The following EML5 variants were observed in gnomAD, a reference collection of about 807,000 sequenced individuals.
EML5 encodes EMAP like 5, also known as echinoderm microtubule-associated protein-like 5.
A neutral mutation model predicts 250.0 loss-of-function variants in EML5; 120 were observed. The ratio of observed to expected loss-of-function variants is 0.48; its 90% CI spans 0.41 to 0.56. EML5 has a LOEUF of 0.56. Ranked by LOEUF, EML5 falls within the 20% of genes least tolerant of loss-of-function variation. EML5 has a pLI of 0.00. For missense variants in EML5, 2,006 were observed against 2,437.6 expected (o/e 0.82, Z 3.73); for synonymous variants, 771 against 806.5 (o/e 0.96, Z 0.75).
rs926877397 is a variant in EML5 at position 88,646,971 on chromosome 14, T to TA, written c.4020-17dup. ...CCTGGAACCTCTTTTCAGCAGCAGA[T>TA]AAAGAGGGAAAAAGATTACAACATA... On this transcript the variant is annotated splice_polypyrimidine_tract_variant and intron_variant, in intron 28 of 43. Coordinates refer to ENST00000554922, the MANE Select transcript of EML5 (RefSeq NM_183387.3). The TA allele has an allele frequency of 2.5e-6, 4 of 1,591,072 alleles. No individual in the cohort carries two copies. The highest frequency in any genetic ancestry group is 3.4e-6 in the Non-Finnish European group (4 of 1,177,162).
In EML5 at chr14:88,653,512, C is replaced by T. The variant is rs150485344; in HGVS notation, c.4005-3586G>A. 5.1e-3 allele frequency among the ~76,000 whole-genome samples: 783 copies of T among 152,140 alleles called. 3 individuals are homozygous for T. Among genetic ancestry groups the T allele is most frequent in the African/African-American group, 0.018 (740 of 41,522 alleles). On this transcript the variant is annotated intron_variant, in intron 27 of 43. Coordinates refer to ENST00000554922, the MANE Select transcript of EML5 (RefSeq NM_183387.3). ...TGAGAGTTTTTAGCATGAAGGGGTG[C>T]TGAATTTTATCGAAGGCCTTTTCTG... is the stretch of plus-strand genomic sequence containing the variant.
Position 88,792,524 on chromosome 14 carries a change from C to T in EML5, c.-21G>A. The T allele has an allele frequency of 7.4e-7, 1 of 1,346,678 alleles. No homozygotes were observed. Among genetic ancestry groups the T allele is most frequent in the Non-Finnish European group, 9.6e-7 (1 of 1,037,848 alleles). 83.4% of individuals were successfully genotyped at this position (1,346,678 alleles called of 1,614,324 possible). A position where few individuals can be genotyped will look rare whatever the true frequency, so the allele number is the denominator to read the frequency against. On this transcript the variant is annotated 5_prime_UTR_variant, in exon 1 of 44. Coordinates refer to ENST00000554922, the MANE Select transcript of EML5 (RefSeq NM_183387.3). This position sits in a 1 kb window ranked among gnomAD's most constrained non-coding sequence, Gnocchi z 6.9. Reference sequence around the variant, plus strand: ...GCCATGTCGGGGCGCCCACCCGCCGCTCCCGCTCGGGCCCGCGGCGGCGAC... The same window carrying T: ...GCCATGTCGGGGCGCCCACCCGCCGTTCCCGCTCGGGCCCGCGGCGGCGAC...
chr14:88,649,103 C>T (rs542422424), intron 28 of EML5, among the ~76,000 whole-genome samples: 1 of 152,118 alleles, frequency 6.6e-6, no homozygotes, highest in Non-Finnish European at 1.5e-5. Context: ...CATCACAGCT[C>T]ACTGCAGCCT....
intron 6 of EML5, among the ~76,000 whole-genome samples, chr14:88,738,137 A>C (rs1014899496): frequency 1.3e-5 from 2 of 152,210 alleles, no homozygotes; most frequent in Non-Finnish European, 2.9e-5. Context: ...AAGCACAATA[A>C]TGTTTAGCAA....
rs1335262985 is a variant in EML5, at chr14:88,706,311, C to T, written c.1773G>A (p.Trp591Ter). Residue 591 changes from tryptophan to a stop codon, truncating the protein, a stop_gained, in exon 11 of 44, where the codon TGG (tryptophan) becomes TGA (stop). Coordinates refer to ENST00000554922, the MANE Select transcript of EML5 (RefSeq NM_183387.3). LOFTEE classifies it high-confidence loss of function. ...IGGADHSVFQ[W>*]KFIPERKLKD... ...TCAGTTTTCTTTCAGGAATAAATTTCCACTGAAAGACAGAGTGATCTGCTC... is the reference window on the plus strand; with the variant it reads ...TCAGTTTTCTTTCAGGAATAAATTTTCACTGAAAGACAGAGTGATCTGCTC... 2 of 1,609,312 alleles carry T rather than the reference C, an allele frequency of 1.2e-6. No individual in the cohort carries two copies. The highest frequency in any genetic ancestry group is 1.7e-6 in the Non-Finnish European group (2 of 1,178,060).
At chr14:88,782,438 GA>G (rs2094506843) in intron 1 of EML5, among the ~76,000 whole-genome samples, 1 of 152,226 alleles carries the variant, frequency 6.6e-6, no homozygotes, top group Non-Finnish European at 1.5e-5. Context: ...ATCTACATAA[GA>G]ACGAGGAGCC....
intron 33 of EML5, 49 bp from the exon 34 acceptor site, chr14:88,627,868 TTC>T (rs762496267): frequency 7.4e-6 from 11 of 1,495,016 alleles, no homozygotes; most frequent in Admixed American, 2.0e-5. Flanking sequence ...TTATAAATAT[TTC>T]TGTTTCTAAA....
At chr14:88,743,570 T>C (rs745874047) in intron 4 of EML5, among the ~76,000 whole-genome samples, 4 of 152,046 alleles carry the variant, frequency 2.6e-5, no homozygotes, top group Non-Finnish European at 4.4e-5. Context: ...GTCACAGTTT[T>C]AAAATGTGAA....
chr14:88,792,813 G>A lies in EML5; in HGVS notation c.-310C>T. ...AGCCCGTAGCGCCTGGGCCGAGAGC[G>A]AGGGCCCGCCTCCAGCTCCTCAGCC... On this transcript the variant is annotated 5_prime_UTR_variant, in exon 1 of 44. Coordinates refer to ENST00000554922, the MANE Select transcript of EML5 (RefSeq NM_183387.3). This position sits in a 1 kb window ranked among gnomAD's most constrained non-coding sequence, Gnocchi z 6.9. The A allele has an allele frequency of 3.2e-6, 3 of 924,852 alleles. 1 individual carries two copies. The highest frequency in any genetic ancestry group is 1.3e-6 in the Non-Finnish European group (1 of 770,874). 57.3% of individuals were successfully genotyped at this position (924,852 alleles called of 1,614,324 possible).
chr14:88,647,507 G>A (rs1869559496), intron 28 of EML5, among the ~76,000 whole-genome samples: 1 of 151,860 alleles, frequency 6.6e-6, no homozygotes, highest in Admixed American at 6.6e-5. Context: ...GACCAGCCTG[G>A]GCAACACTGT....
rs2092275357 is a variant in EML5 at position 88,665,340 on chromosome 14, G to A, written c.3274C>T (p.Pro1092Ser). ...KDMISDIRFS[P>S]GSGKYLAVAS... is the part of the protein sequence containing the mutation. ...ATACAATTTCAATGGATCTTACCAG[G>A]TGAAAATCGAATATCTGAAATCATA... Residue 1092 changes from proline to serine, a missense_variant, in exon 22 of 44, where the codon CCT (proline) becomes TCT (serine). Around this residue, in one of 7 missense-constraint regions of EML5, gnomAD observed 1,375 missense variants for 1,590.3 expected, o/e 0.86. Transcript: ENST00000554922. 4 of 1,610,376 alleles carry A rather than the reference G, an allele frequency of 2.5e-6. No homozygotes were observed. The highest frequency in any genetic ancestry group is 3.4e-6 in the Non-Finnish European group (4 of 1,178,148).
chr14:88,766,911 G>A (rs530639852), intron 1 of EML5, among the ~76,000 whole-genome samples: 6 of 152,192 alleles, frequency 3.9e-5, no homozygotes, highest in East Asian at 3.9e-4. Flanking sequence ...ATCGGGGGCT[G>A]GTTTCCCCCG....
At chr14:88,623,445 G>C (rs1595227751) in intron 36 of EML5, 1 of 151,402 alleles carries the variant, frequency 6.6e-6, no homozygotes, top group Non-Finnish European at 1.5e-5. Context: ...TTTTGAGACA[G>C]AGTGTCGCTC....
At chr14:88,770,608 G>A (rs1167374915) in intron 1 of EML5, among the ~76,000 whole-genome samples, 1 of 152,000 alleles carries the variant, frequency 6.6e-6, no homozygotes, top group Non-Finnish European at 1.5e-5. Context: ...TTGGACAGTT[G>A]GAATCTGAAG....
intron 17 of EML5, among the ~76,000 whole-genome samples, chr14:88,690,509 T>C (rs1393638967): frequency 6.6e-6 from 1 of 152,190 alleles, no homozygotes; most frequent in South Asian, 2.1e-4. Flanking sequence ...ATTAGTGACC[T>C]TGTAAGAGCA....
Position 88,622,650 on chromosome 14 carries a change from T to G in EML5, c.4967A>C (p.Glu1656Ala), listed in dbSNP as rs2089211657. ...ELRRCRAFRLETGQATDCVRS... is the reference protein window; with the variant it reads ...ELRRCRAFRLATGQATDCVRS... The stretch of plus-strand genomic sequence containing the variant: ...AACACAATCTGTGGCTTGTCCTGTC[T>G]CAAGCCTGAAGGCACGGCACCGCCT... Residue 1656 changes from glutamate (E) to alanine (A), a missense_variant, in exon 37 of 44, where the codon GAG (glutamate) becomes GCG (alanine). Coordinates refer to ENST00000554922, the MANE Select transcript of EML5 (RefSeq NM_183387.3). 1 of 1,611,998 alleles carries G rather than the reference T, an allele frequency of 6.2e-7. No homozygotes were observed. Among genetic ancestry groups the G allele is most frequent in the Non-Finnish European group, 8.5e-7 (1 of 1,178,960 alleles).
chr14:88,627,923 A>G (rs907749680), intron 33 of EML5, 104 bp from the exon 34 acceptor site: 27 of 1,075,044 alleles, frequency 2.5e-5, no homozygotes, highest in Non-Finnish European at 3.6e-5. Flanking sequence ...AATGTGTACC[A>G]AACAAAAACT....
At position 88,792,320 on chromosome 14, in the gene EML5, C is replaced by A; in HGVS notation, c.184G>T (p.Asp62Tyr). The change falls in exon 1 of 44, where the codon GAC (aspartate) becomes TAC (tyrosine). Residue 62 changes from aspartate to tyrosine, a missense_variant. This residue lies in a region of EML5 where 162 missense variants were observed against 212.2 expected (regional missense o/e 0.76). Coordinates refer to ENST00000554922, the MANE Select transcript of EML5 (RefSeq NM_183387.3). The surrounding 1 kb of genome is among the most constrained non-coding windows in gnomAD (Gnocchi z 6.9). ...GCTCCCCGGTACCTGATGATGTCGT[C>A]GCTGTGGCCCCGGTAGAACTTCTGC... is the stretch of plus-strand genomic sequence containing the variant. ...HRQKFYRGHS[D>Y]DIISLALHPE... 6.4e-7 allele frequency: 1 copy of A among 1,559,072 alleles called. No individual in the cohort carries two copies. The highest frequency in any genetic ancestry group is 8.7e-7 in the Non-Finnish European group (1 of 1,153,660).
At chr14:88,665,760 T>G (rs1239550487) in intron 21 of EML5, among the ~76,000 whole-genome samples, 2 of 151,906 alleles carry the variant, frequency 1.3e-5, no homozygotes, top group Non-Finnish European at 2.9e-5. Context: ...AGTAAATAAA[T>G]AGACAGGCAT....
Sources: allele counts gnomAD v4.1 joint callset (sites outside exome capture counted in the v4.1 genomes callset), GRCh38; gene constraint gnomAD v4.1.1; regional missense constraint gnomAD v4.1.1; non-coding constraint Gnocchi (gnomAD v3.1); transcripts MANE v1.5; gene names NCBI Gene and HGNC (gene_info 2026-07-23, HGNC 2026-07-21).